RTN4R: variants seen among roughly 807,000 people sequenced by gnomAD.
RTN4R encodes reticulon 4 receptor, also known as reticulon-4 receptor.
Under a neutral mutation model 27.7 loss-of-function variants are expected in RTN4R, and 4 were observed. The observed-to-expected ratio is 0.14, with a 90% confidence interval of 0.07 to 0.33. The LOEUF (loss-of-function observed/expected upper bound fraction) is 0.33. Ranked by LOEUF, RTN4R falls within the 10% of genes least tolerant of loss-of-function variation. The pLI is 1.00. For synonymous variants in RTN4R, 290 were observed against 305.6 expected (o/e 0.95, Z 0.53); for missense variants, 554 against 671.5 (o/e 0.83, Z 1.93).
Position 20,242,820 on chromosome 22 carries a change from C to T in RTN4R, c.313G>A (p.Ala105Thr), listed in dbSNP as rs1361243397. Residue 105 changes from alanine to threonine, a missense_variant, in exon 2 of 2, where the codon GCC becomes ACC. Around this residue, in one of 2 missense-constraint regions of RTN4R, gnomAD observed 413 missense variants for 542.3 expected, o/e 0.76. Transcript: ENST00000043402. ...RIDAAAFTGLALLEQLDLSDN... is the reference protein window; with the variant it reads ...RIDAAAFTGLTLLEQLDLSDN... ...CTGAGGTCCAGCTGCTCCAGGAGGG[C>T]CAGGCCAGTGAAGGCAGCCGCATCA... The T allele has an allele frequency of 6.2e-7, 1 of 1,613,028 alleles. No homozygotes were observed. Among genetic ancestry groups the T allele is most frequent in the East Asian group, 2.2e-5 (1 of 44,874 alleles).
At chr22:20,260,547 C>A (rs564705949) in intron 1 of RTN4R, among the ~76,000 whole-genome samples, 1 of 152,180 alleles carries the variant, frequency 6.6e-6, no homozygotes, top group Admixed American at 6.5e-5. Flanking sequence ...CTCAGCCCTC[C>A]CTCGACAGCC....
intron 1 of RTN4R, among the ~76,000 whole-genome samples, chr22:20,264,704 C>G (rs760572860): frequency 6.6e-6 from 1 of 152,200 alleles, no homozygotes; most frequent in Non-Finnish European, 1.5e-5. Flanking sequence ...CTGAGGGGTG[C>G]AGAGAGGGAC....
intron 1 of RTN4R, among the ~76,000 whole-genome samples, chr22:20,265,536 C>T (rs1343538308): frequency 5.9e-5 from 9 of 152,296 alleles, no homozygotes; most frequent in Middle Eastern, 3.4e-3. Flanking sequence ...GACCCTGGCA[C>T]GGGGAAACTG....
chr22:20,241,770 A>G lies in RTN4R; in HGVS notation c.1363T>C (p.Cys455Arg), dbSNP rs982120617. The change falls in exon 2 of 2, where the codon TGC becomes CGC. Residue 455 changes from cysteine (C) to arginine (R), a missense_variant. Coordinates refer to ENST00000043402, the MANE Select transcript of RTN4R (RefSeq NM_023004.6). ...GCCAGGCCCAGGGGGGTGAGGCTGCAGGTGAGGCTGGGTAGGGCACCTGAG... is the reference window on the plus strand; with the variant it reads ...GCCAGGCCCAGGGGGGTGAGGCTGCGGGTGAGGCTGGGTAGGGCACCTGAG... ...EGSGALPSLT[C>R]SLTPLGLALV... 1.0e-5 allele frequency: 16 copies of G among 1,555,120 alleles called. No homozygotes were observed. Among genetic ancestry groups the G allele is most frequent in the Non-Finnish European group, 1.3e-5 (15 of 1,149,620 alleles).
chr22:20,248,985 G>A (rs2051159053), intron 1 of RTN4R: 1 of 401,364 alleles, frequency 2.5e-6, no homozygotes, highest in African/African-American at 2.1e-5. Context: ...CCACACTGGG[G>A]GCCCCTGGAG....
chr22:20,242,490 C>A lies in RTN4R; in HGVS notation c.643G>T (p.Ala215Ser). The A allele has an allele frequency of 6.2e-7, 1 of 1,613,712 alleles. No homozygotes were observed. Among genetic ancestry groups the A allele is most frequent in the Non-Finnish European group, 8.5e-7 (1 of 1,179,972 alleles). ...DRLLLHQNRV[A>S]HVHPHAFRDL... The stretch of plus-strand genomic sequence containing the variant: ...CGGAAGGCATGCGGGTGCACATGGG[C>A]CACGCGGTTCTGGTGCAGTAGGAGA... The change falls in exon 2 of 2, where the codon GCC (alanine) becomes TCC (serine). Residue 215 changes from alanine to serine, a missense_variant. Ala to Ser is a moderately conservative substitution (Grantham distance 99, BLOSUM62 1). Transcript: ENST00000043402.
rs2051210133 is a variant in RTN4R at position 20,255,990 on chromosome 22, GTGA to G, written c.22+12078_22+12080del. ...ATAAATTATTCCTATATGATTGTGT[GTGA>G]TAACTCTTCCTTATTTGAAATCAAT... On this transcript the variant is annotated intron_variant, in intron 1 of 1. Coordinates refer to ENST00000043402, the MANE Select transcript of RTN4R (RefSeq NM_023004.6). This position sits in a 1 kb window ranked among gnomAD's most constrained non-coding sequence, Gnocchi z 4.8. Among the ~76,000 whole-genome samples the G allele has an allele frequency of 6.6e-6, 1 of 152,238 alleles. No individual in the cohort carries two copies. The highest frequency in any genetic ancestry group is 1.5e-5 in the Non-Finnish European group (1 of 68,052).
intron 1 of RTN4R, among the ~76,000 whole-genome samples, chr22:20,264,697 A>G (rs2051267233): frequency 6.6e-6 from 1 of 152,198 alleles, no homozygotes; most frequent in Admixed American, 6.5e-5. Context: ...AGGGACACTG[A>G]GGGGTGCAGA....
Position 20,243,324 on chromosome 22 carries a change from T to C in RTN4R, c.23-214A>G, listed in dbSNP as rs902208821. On this transcript the variant is annotated intron_variant, in intron 1 of 1. Transcript: ENST00000043402. ...TGGGCTAGAACATGCCTTGGAGCCA[T>C]GCACTCCACCCTGGAAGCCACATCT... The C allele has an allele frequency of 3.6e-5, 25 of 698,854 alleles. No individual in the cohort carries two copies. In the African/African-American group the frequency reaches 3.9e-4, roughly 11 times the overall value. The allele number at this position is 698,854 out of a possible 1,614,324, so 43.3% of individuals were successfully genotyped here.
chr22:20,251,852 C>CTATCA (rs1602644117), intron 1 of RTN4R, among the ~76,000 whole-genome samples: 2 of 27,500 alleles, frequency 7.3e-5, no homozygotes, highest in Non-Finnish European at 1.5e-4. Flanking sequence ...ATCCTCATCA[C>CTATCA]CCTCACCATC....
At chr22:20,243,183 A>G in intron 1 of RTN4R, 73 bp from the exon 2 acceptor site, 1 of 1,488,650 alleles carries the variant, frequency 6.7e-7, no homozygotes, top group East Asian at 2.4e-5. Context: ...TGCTAGAGCC[A>G]GGTGGGCCCC....
At chr22:20,251,622 C>G in intron 1 of RTN4R, among the ~76,000 whole-genome samples, 1 of 148,172 alleles carries the variant, frequency 6.7e-6, no homozygotes, top group East Asian at 2.1e-4. Flanking sequence ...CCATCACTAT[C>G]ACCACCATCA....
intron 1 of RTN4R, among the ~76,000 whole-genome samples, chr22:20,256,555 C>T (rs1055791417): frequency 2.0e-5 from 3 of 152,230 alleles, no homozygotes; most frequent in African/African-American, 7.2e-5. Flanking sequence ...GAGGAGGGTT[C>T]AGGGACTCAG....
intron 1 of RTN4R, 47 bp from the exon 2 acceptor site, chr22:20,243,157 G>C (rs1240006539): frequency 1.3e-6 from 2 of 1,572,418 alleles, no homozygotes; most frequent in East Asian, 4.6e-5. Flanking sequence ...AGGGGTACTG[G>C]AGAAGCTGGA....
Position 20,268,055 on chromosome 22 carries a change from C to T in RTN4R, c.22+16G>A. ...CCCCGCCGCCGGCCGGGCTCGGGTG[C>T]AGCGCGGACACTCACCTCCAGCGGA... On this transcript the variant is annotated intron_variant, in intron 1 of 1. Transcript: ENST00000043402. The T allele has an allele frequency of 2.5e-6, 3 of 1,179,934 alleles. No homozygotes were observed. Among genetic ancestry groups the T allele is most frequent in the Non-Finnish European group, 2.1e-6 (2 of 953,994 alleles). 73.1% of individuals were successfully genotyped at this position (1,179,934 alleles called of 1,614,324 possible).
intron 1 of RTN4R, among the ~76,000 whole-genome samples, chr22:20,246,670 C>A (rs1019199877): frequency 8.5e-5 from 13 of 152,204 alleles, no homozygotes; most frequent in African/African-American, 3.1e-4. Context: ...GTTCCTGGGG[C>A]CCCGCCCACC....
At chr22:20,266,143 T>C (rs1288371327) in intron 1 of RTN4R, among the ~76,000 whole-genome samples, 2 of 152,190 alleles carry the variant, frequency 1.3e-5, no homozygotes, top group African/African-American at 4.8e-5. Flanking sequence ...ACCCCCTTTA[T>C]AGATGGGAAG....
In RTN4R at chr22:20,249,528, G is replaced by A. The variant is rs116786539; in HGVS notation, c.23-6418C>T. 9.1e-3 allele frequency among the ~76,000 whole-genome samples: 1,392 copies of A among 152,328 alleles called. 19 individuals are homozygous for A. Among genetic ancestry groups the A allele is most frequent in the African/African-American group, 0.032 (1,321 of 41,568 alleles). On this transcript the variant is annotated intron_variant, in intron 1 of 1. Coordinates refer to ENST00000043402, the MANE Select transcript of RTN4R (RefSeq NM_023004.6). ...ACAAGAGCACATGCTCAGGGTGCAC[G>A]AGCCAGGAGCACAGACTCAGTGCAT...
In RTN4R at chr22:20,251,621, TCAC is replaced by T. The variant is rs199824512; in HGVS notation, c.23-8514_23-8512del. On this transcript the variant is annotated intron_variant, in intron 1 of 1. Coordinates refer to ENST00000043402, the MANE Select transcript of RTN4R (RefSeq NM_023004.6). ...ATTACCATCCTCATTACCATCACTA[TCAC>T]CACCATCATCTTCATCACCATCCTC... is the stretch of plus-strand genomic sequence containing the variant. Among the ~76,000 whole-genome samples the T allele has an allele frequency of 1.4e-4, 20 of 147,902 alleles. No individual in the cohort carries two copies. The East Asian group carries it at 3.1e-3, about 23-fold the overall frequency.
Sources: allele counts gnomAD v4.1 joint callset (sites outside exome capture counted in the v4.1 genomes callset), GRCh38; gene constraint gnomAD v4.1.1; regional missense constraint gnomAD v4.1.1; non-coding constraint Gnocchi (gnomAD v3.1); transcripts MANE v1.5; gene names NCBI Gene and HGNC (gene_info 2026-07-23, HGNC 2026-07-21).